Variants in C7 observed in about 807,000 individuals in gnomAD.
C7 encodes complement component C7.
Under a neutral mutation model 104.8 loss-of-function variants are expected in C7, and 83 were observed. The observed-to-expected ratio is 0.79, with a 90% CI of 0.66 to 0.95. The LOEUF is 0.95. Ranked by LOEUF, C7 falls within the 40% of genes least tolerant of loss-of-function variation. The pLI is 0.00. For missense variants in C7, 1,070 were observed against 1,011.2 expected (o/e 1.06, Z -0.79); for synonymous variants, 415 against 360.6 (o/e 1.15, Z -1.71).
chr5:40,943,776 A>G (rs779731717), intron 6 of C7, among the ~76,000 whole-genome samples: 2 of 151,988 alleles, frequency 1.3e-5, no homozygotes, highest in Admixed American at 6.6e-5. Flanking sequence ...AAACAAACCA[A>G]TTTCATAATG....
intron 14 of C7, among the ~76,000 whole-genome samples, chr5:40,966,273 T>C (rs1419469312): frequency 6.6e-6 from 1 of 152,072 alleles, no homozygotes; most frequent in African/African-American, 2.4e-5. Context: ...TCCCACCCTT[T>C]CTCTCTGAAT....
chr5:40,955,678 T>G, intron 10 of C7, 125 bp downstream of exon 10: 2 of 747,370 alleles, frequency 2.7e-6, no homozygotes, highest in Non-Finnish European at 4.2e-6. Flanking sequence ...GTATCCCAAT[T>G]ATATTTTGTA....
rs374130655 is a variant in C7, at chr5:40,947,865, G to A, written c.982+20G>A. ...AAAATGGTACAGTATTAAAAAATTC[G>A]TTGTCTAAAGGCATTTCTGGGATTT... On this transcript the variant is annotated intron_variant, in intron 8 of 17. Coordinates refer to ENST00000313164, the MANE Select transcript of C7 (RefSeq NM_000587.4). The A allele has an allele frequency of 3.2e-5, 52 of 1,607,008 alleles. No individual in the cohort carries two copies. The highest frequency in any genetic ancestry group is 1.7e-4 in the Middle Eastern group (1 of 5,852).
intron 15 of C7, 34 bp downstream of exon 15, chr5:40,972,628 G>A: frequency 6.5e-7 from 1 of 1,540,186 alleles, no homozygotes; most frequent in Admixed American, 1.9e-5. Flanking sequence ...AAGGACACTT[G>A]TACCCAGGCA....
At chr5:40,949,684 T>C (rs1222822364) in intron 8 of C7, among the ~76,000 whole-genome samples, 1 of 152,130 alleles carries the variant, frequency 6.6e-6, no homozygotes, top group Admixed American at 6.6e-5. Flanking sequence ...TATGTAGAAA[T>C]CTCTTCTGCC....
Position 40,959,546 on chromosome 5 carries a change from T to C in C7, c.1587T>C (p.Ser529=). 6.2e-7 allele frequency: 1 copy of C among 1,610,334 alleles called. No homozygotes were observed. Among genetic ancestry groups the C allele is most frequent in the South Asian group, 1.1e-5 (1 of 90,704 alleles). Residue 529 remains serine, a synonymous_variant, in exon 12 of 18, where the codon AGT becomes AGC. Transcript: ENST00000313164. ...GTGAATGCAATAACCCACCTCCCAG[T>C]GGGGGTGGGAGATCCTGCGTTGGAG... ...RSRECNNPPP[S]GGGRSCVGET... is the part of the protein sequence containing the mutation.
chr5:40,972,488 T>G lies in C7; in HGVS notation c.1968T>G (p.Thr656=), dbSNP rs773135221. 12 of 1,613,896 alleles carry G rather than the reference T, an allele frequency of 7.4e-6. No homozygotes were observed. The South Asian group carries it at 1.3e-4, about 18-fold the overall frequency. The part of the protein sequence containing the change: ...KPFYTVGEKV[T]VSCSGGMSLE... Reference sequence around the variant, plus strand: ...TCTACACAGTTGGTGAGAAGGTGACTGTTTCCTGTTCAGGTGGCATGTCCT... The same window carrying G: ...TCTACACAGTTGGTGAGAAGGTGACGGTTTCCTGTTCAGGTGGCATGTCCT... Residue 656 remains threonine, a synonymous_variant, in exon 15 of 18, where the codon ACT becomes ACG. Coordinates refer to ENST00000313164, the MANE Select transcript of C7 (RefSeq NM_000587.4).
intron 8 of C7, among the ~76,000 whole-genome samples, chr5:40,948,378 A>C (rs905207696): frequency 6.6e-6 from 1 of 152,108 alleles, no homozygotes; most frequent in African/African-American, 2.4e-5. Context: ...CCTTACTACT[A>C]CCCAATGAGA....
At chr5:40,933,266 G>C (rs1273944641) in intron 3 of C7, among the ~76,000 whole-genome samples, 1 of 152,204 alleles carries the variant, frequency 6.6e-6, no homozygotes, top group East Asian at 1.9e-4. Flanking sequence ...AATTTAGGAT[G>C]GATGAATAAG....
intron 5 of C7, 173 bp from the exon 6 acceptor site, chr5:40,937,379 G>T: frequency 2.3e-6 from 1 of 441,868 alleles, no homozygotes; most frequent in South Asian, 7.2e-5. Context: ...GATAATGTAT[G>T]GTGTGTATTA....
At chr5:40,980,004 G>A in intron 17 of C7, 95 bp downstream of exon 17, 3 of 1,057,104 alleles carry the variant, frequency 2.8e-6, no homozygotes, top group Non-Finnish European at 4.0e-6. Context: ...GTGGGCCGAA[G>A]AAGATACTTG....
rs951234872 is a variant in C7 at position 40,982,618 on chromosome 5, A to C, written c.*1045A>C. The C allele has an allele frequency of 2.6e-5, 4 of 152,318 alleles. No homozygotes were observed. In the East Asian group the frequency reaches 7.5e-4, roughly 29 times the overall value. 9.4% of individuals were successfully genotyped at this position (152,318 alleles called of 1,614,324 possible). A position where few individuals can be genotyped will look rare whatever the true frequency, so the allele number is the denominator to read the frequency against. On this transcript the variant is annotated 3_prime_UTR_variant, in exon 18 of 18. Transcript: ENST00000313164. ...TTTGCCCCTGTTCTTTTTTCTTTTG[A>C]AAGAACATCAGTTCATGCCTGAGGC...
chr5:40,970,123 AT>A (rs1321283674), intron 14 of C7, among the ~76,000 whole-genome samples: 1 of 152,102 alleles, frequency 6.6e-6, no homozygotes, highest in African/African-American at 2.4e-5. Context: ...AGTGCTGTGG[AT>A]TTTTGTATAT....
At chr5:40,912,040 G>A (rs1412443421) in intron 1 of C7, among the ~76,000 whole-genome samples, 1 of 151,736 alleles carries the variant, frequency 6.6e-6, no homozygotes, top group Non-Finnish European at 1.5e-5. Context: ...GAACCACCAC[G>A]CCCGGCCCCA....
At chr5:40,979,596 CT>C (rs35148902) in intron 16 of C7, 128 bp from the exon 17 acceptor site, 227,023 of 506,650 alleles carry the variant, frequency 0.45, 20,742 homozygotes, top group Admixed American at 0.47. Flanking sequence ...GAGTTTCCAC[CT>C]TTTTTTTTTT....
intron 13 of C7, among the ~76,000 whole-genome samples, chr5:40,964,019 A>AATTT (rs1249457358): frequency 1.1e-5 from 1 of 87,656 alleles, no homozygotes; most frequent in Non-Finnish European, 2.5e-5. Flanking sequence ...AGCTCATAAT[A>AATTT]CTTTTTTTTT....
rs557359883 is a variant in C7, at chr5:40,979,774, C to T, written c.2215C>T (p.Pro739Ser). ...AQDERSKRILPLTVCKMHVLH... is the reference protein window; with the variant it reads ...AQDERSKRILSLTVCKMHVLH... The stretch of plus-strand genomic sequence containing the variant: ...AGATGAGAGAAGCAAAAGGATACTG[C>T]CTCTGACAGTTTGCAAGATGCATGT... The change falls in exon 17 of 18, where the codon CCT becomes TCT. Residue 739 changes from proline to serine, a missense_variant. Transcript: ENST00000313164. 6.2e-7 allele frequency: 1 copy of T among 1,613,594 alleles called. No homozygotes were observed. The highest frequency in any genetic ancestry group is 1.3e-5 in the African/African-American group (1 of 74,998).
intron 1 of C7, among the ~76,000 whole-genome samples, chr5:40,925,503 C>G (rs749701832): frequency 6.6e-6 from 1 of 152,148 alleles, no homozygotes; most frequent in Non-Finnish European, 1.5e-5. Flanking sequence ...CTTTGGAGCC[C>G]TCCAAACTTT....
At chr5:40,941,508 T>TA (rs928185470) in intron 6 of C7, among the ~76,000 whole-genome samples, 4 of 151,730 alleles carry the variant, frequency 2.6e-5, no homozygotes, top group Admixed American at 6.6e-5. Flanking sequence ...GAGATTGGAT[T>TA]AAAAAAAAGA....
Sources: gnomAD v4.1 joint callset for allele counts (sites outside exome capture counted in the v4.1 genomes callset) on GRCh38, gnomAD v4.1.1 for gene constraint, MANE v1.5 for transcripts, NCBI Gene and HGNC (gene_info 2026-07-23, HGNC 2026-07-21) for gene names.